Variants in COBL observed in about 807,000 individuals in gnomAD.
COBL encodes the protein protein cordon-bleu.
COBL carries 51 observed loss-of-function variants against 98.8 expected under a neutral mutation model. The observed-to-expected ratio is 0.52, with a 90% CI of 0.41 to 0.65. The LOEUF (loss-of-function observed/expected upper bound fraction) is 0.65, where lower values mean the gene tolerates loss of function less well. COBL is among the 30% of genes least tolerant of loss of function. COBL has a pLI of 0.00. For missense variants in COBL, 1,617 were observed against 1,617.5 expected (o/e 1.00, Z 0.01); for synonymous variants, 634 against 651.7 (o/e 0.97, Z 0.41).
At chr7:51,066,553 G>A (rs1472334775) in intron 7 of COBL, among the ~76,000 whole-genome samples, 1 of 152,142 alleles carries the variant, frequency 6.6e-6, no homozygotes, top group Non-Finnish European at 1.5e-5. Flanking sequence ...TATCATCTAC[G>A]TGCTGTTTTC....
At chr7:51,116,647 C>T (rs1197451982) in intron 6 of COBL, among the ~76,000 whole-genome samples, 1 of 151,952 alleles carries the variant, frequency 6.6e-6, no homozygotes, top group Non-Finnish European at 1.5e-5. Context: ...TAGCTATGTA[C>T]CATTTCTGAC....
In COBL at chr7:51,114,819, T is replaced by C. The variant is rs1583842646; in HGVS notation, c.957+21339A>G. On this transcript the variant is annotated intron_variant, in intron 6 of 12. Transcript: ENST00000265136. ...TATTCCTTGTGATAACTTACTGATA[T>C]CTGAAGTATTGTATGGATTTGTTTA... 2.0e-5 allele frequency among the ~76,000 whole-genome samples: 3 copies of C among 152,348 alleles called. No individual in the cohort carries two copies. The South Asian group carries it at 6.2e-4, about 32-fold the overall frequency.
rs1403179641 is a variant in COBL at position 51,026,473 on chromosome 7, C to T, written c.3504+73G>A. On this transcript the variant is annotated intron_variant, in intron 11 of 12. Coordinates refer to ENST00000265136, the MANE Select transcript of COBL (RefSeq NM_015198.5). ...GAAGGACAGAAGCTTCTGCAGCCAC[C>T]ACCCAAGTGCCTCGGAAGAAGGGGT... 1.9e-6 allele frequency: 3 copies of T among 1,571,570 alleles called. No individual in the cohort carries two copies. In the African/African-American group the frequency reaches 4.0e-5, roughly 21 times the overall value.
In COBL at chr7:51,301,732, G is replaced by A. The variant is rs534753599; in HGVS notation, c.41+14861C>T. Among the ~76,000 whole-genome samples, 222 of 152,230 alleles carry A rather than the reference G, an allele frequency of 1.5e-3. 2 individuals are homozygous for A. Among genetic ancestry groups the A allele is most frequent in the African/African-American group, 5.1e-3 (212 of 41,538 alleles). Reference sequence around the variant, plus strand: ...GTGGTTCCAAGCCACAGATTCCAGCGCAGATCCAGGCATCTAAGCCATCTG... The same window carrying A: ...GTGGTTCCAAGCCACAGATTCCAGCACAGATCCAGGCATCTAAGCCATCTG... On this transcript the variant is annotated intron_variant, in intron 1 of 12. Transcript: ENST00000265136.
rs1469510393 is a variant in COBL, at chr7:51,030,814, T to C, written c.1502A>G (p.Glu501Gly). ...KTLAELDEDL[E>G]EMEDSYETDT... ...GTAGCGGATCAGGTGGTTCTTACCT[T>C]CCAGGTCTTCATCAAGTTCTGCAAG... is the stretch of plus-strand genomic sequence containing the variant. The change falls in exon 9 of 13, where the codon GAA becomes GGA. Residue 501 changes from glutamate (E) to glycine (G), a missense_variant and splice_region_variant. By Grantham distance (98) the Glu-to-Gly change is moderately conservative. Transcript: ENST00000265136. 1 of 1,603,752 alleles carries C rather than the reference T, an allele frequency of 6.2e-7. No homozygotes were observed. The highest frequency in any genetic ancestry group is 1.1e-5 in the South Asian group (1 of 90,580).
intron 1 of COBL, among the ~76,000 whole-genome samples, chr7:51,246,431 CACTTCCAA>C (rs1796274969): frequency 6.6e-6 from 1 of 152,194 alleles, no homozygotes; most frequent in Admixed American, 6.5e-5. Context: ...CCTCTCATCC[CACTTCCAA>C]TCATGGCTCA....
intron 1 of COBL, among the ~76,000 whole-genome samples, chr7:51,225,165 G>A (rs1794062272): frequency 6.6e-6 from 1 of 152,194 alleles, no homozygotes; most frequent in Non-Finnish European, 1.5e-5. Flanking sequence ...AAAACGCCTG[G>A]CTTCCTCTGC....
chr7:51,123,354 CCCATTTACTAAGTAGTT>C (rs1241813330), intron 6 of COBL, among the ~76,000 whole-genome samples: 4 of 152,118 alleles, frequency 2.6e-5, no homozygotes, highest in African/African-American at 9.7e-5. Context: ...TGAAGTTAAC[CCCATTTACTAAGTAGTT>C]CCATCAAGGG....
chr7:51,221,663 G>A (rs1397855545), intron 1 of COBL, among the ~76,000 whole-genome samples: 1 of 152,206 alleles, frequency 6.6e-6, no homozygotes, highest in African/African-American at 2.4e-5. Flanking sequence ...AGTTTAGAAA[G>A]ATAAAGAATT....
chr7:51,244,534 G>A (rs1452298222), intron 1 of COBL, among the ~76,000 whole-genome samples: 3 of 152,134 alleles, frequency 2.0e-5, no homozygotes, highest in African/African-American at 7.2e-5. Flanking sequence ...ACAATACAGA[G>A]GTACTTCCTC....
chr7:51,271,788 GGAAGACC>G (rs1798783291), intron 1 of COBL, among the ~76,000 whole-genome samples: 1 of 152,304 alleles, frequency 6.6e-6, no homozygotes, highest in East Asian at 1.9e-4. Context: ...CCAACACTTT[GGAAGACC>G]GAGGCAGGAG....
intron 5 of COBL, among the ~76,000 whole-genome samples, chr7:51,176,802 T>G (rs908734875): frequency 1.3e-5 from 2 of 152,224 alleles, no homozygotes; most frequent in Non-Finnish European, 2.9e-5. Flanking sequence ...AATCTTTATT[T>G]TTGTCTATGT....
At chr7:51,074,258 C>T (rs992803109) in intron 7 of COBL, among the ~76,000 whole-genome samples, 2 of 138,792 alleles carry the variant, frequency 1.4e-5, no homozygotes, top group African/African-American at 2.7e-5. Context: ...TGCTGTGGCG[C>T]GATCTCGGCT....
At chr7:51,136,109 T>G (rs373209517) in intron 6 of COBL, 49 bp downstream of exon 6, 1 of 1,574,296 alleles carries the variant, frequency 6.4e-7, no homozygotes, top group Non-Finnish European at 8.6e-7. Context: ...AACAATCAAC[T>G]GTGTCACTGA....
chr7:51,192,724 A>G (rs1233363964), intron 3 of COBL, among the ~76,000 whole-genome samples: 1 of 152,224 alleles, frequency 6.6e-6, no homozygotes, highest in Non-Finnish European at 1.5e-5. Flanking sequence ...AATGCAATGA[A>G]TAAATATTTC....
At chr7:51,047,584 TATG>T (rs1789840128) in intron 7 of COBL, among the ~76,000 whole-genome samples, 1 of 152,232 alleles carries the variant, frequency 6.6e-6, no homozygotes, top group Non-Finnish European at 1.5e-5. Context: ...TCTTGTGTCC[TATG>T]ATATTGCTTT....
chr7:51,294,952 G>A (rs1801278960), intron 1 of COBL, among the ~76,000 whole-genome samples: 1 of 151,960 alleles, frequency 6.6e-6, no homozygotes, highest in Non-Finnish European at 1.5e-5. Flanking sequence ...CAAGGGGAGG[G>A]AGAGCATTAG....
At chr7:51,246,541 A>T (rs1475873963) in intron 1 of COBL, among the ~76,000 whole-genome samples, 1 of 152,238 alleles carries the variant, frequency 6.6e-6, no homozygotes, top group Non-Finnish European at 1.5e-5. Context: ...TCTGGCTGTC[A>T]GCCCCCGTGA....
intron 12 of COBL, among the ~76,000 whole-genome samples, chr7:51,019,541 A>G (rs1382294281): frequency 6.6e-6 from 1 of 152,206 alleles, no homozygotes; most frequent in Non-Finnish European, 1.5e-5. Context: ...TGAGCTGGTC[A>G]AATGTGGGGA....
Sources: gnomAD v4.1 joint callset for allele counts (sites outside exome capture counted in the v4.1 genomes callset) on GRCh38, gnomAD v4.1.1 for gene constraint, MANE v1.5 for transcripts, NCBI Gene and HGNC (gene_info 2026-07-23, HGNC 2026-07-21) for gene names.